LGSN: variants seen among roughly 807,000 people sequenced by gnomAD.
LGSN encodes the protein lengsin.
In LGSN, 21 loss-of-function variants were observed where a neutral mutation model predicts 19.5. That is an observed-to-expected ratio of 1.07 (90% confidence interval 0.76 to 1.55). The LOEUF (loss-of-function observed/expected upper bound fraction) is 1.55. Among genes scored for constraint, LGSN ranks in the 40% most tolerant of loss-of-function variants. The pLI, the probability that LGSN is intolerant of heterozygous loss-of-function variation, is 0.00. For missense variants in LGSN, 673 were observed against 608.5 expected (o/e 1.11, Z -1.12); for synonymous variants, 257 against 215.6 (o/e 1.19, Z -1.68).
At chr6:63,398,859 T>G in the LGSN span, among the ~76,000 whole-genome samples, 1 of 152,170 alleles carries the variant, frequency 6.6e-6, no homozygotes, top group Admixed American at 6.6e-5. Context: ...GTTTTGCTCC[T>G]GTTACCCAGG....
chr6:63,484,813 T>G, the LGSN span, among the ~76,000 whole-genome samples: 1 of 152,198 alleles, frequency 6.6e-6, no homozygotes, highest in Non-Finnish European at 1.5e-5. Flanking sequence ...CTACTGTTAT[T>G]GTGAGAATCA....
the LGSN span, among the ~76,000 whole-genome samples, chr6:63,356,162 A>C: frequency 6.6e-6 from 1 of 152,208 alleles, no homozygotes; most frequent in Non-Finnish European, 1.5e-5. Flanking sequence ...AAATAAGATC[A>C]CATTCTGAGA....
At chr6:63,471,792 GT>G in the LGSN span, among the ~76,000 whole-genome samples, 1 of 152,106 alleles carries the variant, frequency 6.6e-6, no homozygotes, top group African/African-American at 2.4e-5. Context: ...CAGTGCAATG[GT>G]ATTTGGAGTT....
the LGSN span, among the ~76,000 whole-genome samples, chr6:63,488,767 G>A: frequency 1.3e-5 from 2 of 151,442 alleles, no homozygotes; most frequent in East Asian, 1.9e-4. Context: ...GCAGTGAGCC[G>A]AGATCACGCC....
the LGSN span, among the ~76,000 whole-genome samples, chr6:63,510,255 T>C: frequency 2.0e-5 from 3 of 152,116 alleles, no homozygotes; most frequent in Non-Finnish European, 4.4e-5. Context: ...ATCATGCTTG[T>C]TTGGACAGGC....
chr6:63,328,942 A>G, the LGSN span, among the ~76,000 whole-genome samples: 1 of 152,222 alleles, frequency 6.6e-6, no homozygotes, highest in Admixed American at 6.5e-5. Flanking sequence ...GGCAAGGATA[A>G]GCCAGTAAAG....
At chr6:63,531,500 A>C in the LGSN span, among the ~76,000 whole-genome samples, 8 of 150,526 alleles carry the variant, frequency 5.3e-5, no homozygotes, top group African/African-American at 2.0e-4. Context: ...TTCCTGACCC[A>C]TATCTATTAT....
At chr6:63,321,429 C>T (rs1260838506), upstream of LGSN, among the ~76,000 whole-genome samples, 1 of 152,132 alleles carries the variant, frequency 6.6e-6, no homozygotes, top group Non-Finnish European at 1.5e-5. Flanking sequence ...TTAAAAAAAT[C>T]ATTCCTTTAT....
intron 3 of LGSN, among the ~76,000 whole-genome samples, chr6:63,283,441 A>G (rs1767396330): frequency 6.6e-6 from 1 of 152,128 alleles, no homozygotes; most frequent in South Asian, 2.1e-4. Context: ...GTCCTGTAGC[A>G]ATATATCATA....
At chr6:63,281,351 T>TATATATATATAATAAATATATATA (rs1767317474) in intron 3 of LGSN, 131 bp from the exon 4 acceptor site, 1 of 167,132 alleles carries the variant, frequency 6.0e-6, no homozygotes, top group East Asian at 1.5e-4. Context: ...TATATATATG[T>TATATATATATAATAAATATATATA]TTAACACTTG....
At chr6:63,444,195 C>A in the LGSN span, among the ~76,000 whole-genome samples, 1 of 151,918 alleles carries the variant, frequency 6.6e-6, no homozygotes, top group Non-Finnish European at 1.5e-5. Flanking sequence ...TTCTCAACAA[C>A]TCTAAGTAGT....
the LGSN span, among the ~76,000 whole-genome samples, chr6:63,529,185 A>ATGTGTGTATATATATATGTATATATG: frequency 2.0e-5 from 3 of 147,060 alleles, no homozygotes; most frequent in Admixed American, 6.9e-5. Flanking sequence ...ATGTATATAT[A>ATGTGTGTATATATATATGTATATATG]TGTGTGTATA....
At chr6:63,443,713 G>C in the LGSN span, 1 of 236,174 alleles carries the variant, frequency 4.2e-6, no homozygotes, top group African/African-American at 2.3e-5. Flanking sequence ...ATTGGTACTT[G>C]AGACCTCCTC....
At chr6:63,536,047 AC>A in the LGSN span, among the ~76,000 whole-genome samples, 2 of 147,496 alleles carry the variant, frequency 1.4e-5, no homozygotes, top group South Asian at 2.5e-4. Context: ...TACTGGGTTT[AC>A]AGGCTTGAGC....
At chr6:63,555,692 C>CTTTTT in the LGSN span, among the ~76,000 whole-genome samples, 1 of 135,008 alleles carries the variant, frequency 7.4e-6, no homozygotes, top group Admixed American at 7.5e-5. Flanking sequence ...CAATTACACT[C>CTTTTT]TTTTTTTTTT....
At chr6:63,387,768 C>A in the LGSN span, among the ~76,000 whole-genome samples, 1 of 151,944 alleles carries the variant, frequency 6.6e-6, no homozygotes, top group African/African-American at 2.4e-5. Context: ...ATCATTGCAG[C>A]CTCAGTCTCC....
the LGSN span, among the ~76,000 whole-genome samples, chr6:63,418,490 G>C: frequency 6.6e-6 from 1 of 152,220 alleles, no homozygotes; most frequent in Non-Finnish European, 1.5e-5. Context: ...GAACCCAGGA[G>C]GCGGAGGTTG....
chr6:63,572,349 A>C, the LGSN span: 10 of 264,250 alleles, frequency 3.8e-5, no homozygotes, highest in East Asian at 1.3e-4. Flanking sequence ...GCCGCCGCGG[A>C]GTGACGTCCG....
chr6:63,339,566 T>TC, the LGSN span, among the ~76,000 whole-genome samples: 1 of 151,956 alleles, frequency 6.6e-6, no homozygotes, highest in East Asian at 1.9e-4. Flanking sequence ...ATGTGTGTCT[T>TC]CACAGGCGAA....
Sources: allele counts gnomAD v4.1 joint callset (sites outside exome capture counted in the v4.1 genomes callset), GRCh38; gene constraint gnomAD v4.1.1; transcripts MANE v1.5; gene names NCBI Gene and HGNC (gene_info 2026-07-23, HGNC 2026-07-21).